The following OR51B5 variants were observed in gnomAD, a reference collection of about 807,000 sequenced individuals.
The protein encoded by OR51B5 is olfactory receptor family 51 subfamily B member 5, also known as olfactory receptor 51B5.
For synonymous variants in OR51B5, 186 were observed against 144.8 expected (o/e 1.28, Z -2.04); for missense variants, 456 against 374.6 (o/e 1.22, Z -1.79).
chr11:5,346,601 A>G (rs1848995047), upstream of OR51B5, among the ~76,000 whole-genome samples: 1 of 151,096 alleles, frequency 6.6e-6, no homozygotes, highest in Non-Finnish European at 1.5e-5. Flanking sequence ...GAGAGGGTCA[A>G]TCATATTCAC....
chr11:5,409,517 A>G (rs75527251), intron 1 of OR51B5, among the ~76,000 whole-genome samples: 1 of 148,974 alleles, frequency 6.7e-6, no homozygotes, highest in East Asian at 2.0e-4. Context: ...CTAAAAAAAA[A>G]TCTATCAAAA....
chr11:5,423,881 G>C (rs1272660605), intron 1 of OR51B5, among the ~76,000 whole-genome samples: 1 of 152,006 alleles, frequency 6.6e-6, no homozygotes. Flanking sequence ...CTTCTTTCTT[G>C]TGGGAAGAAA....
chr11:5,489,456 C>T (rs769058317), intron 1 of OR51B5: 1 of 1,614,048 alleles, frequency 6.2e-7, no homozygotes, highest in East Asian at 2.2e-5. Context: ...ACATTGGCAT[C>T]ATCCTGGTTT....
intron 1 of OR51B5, among the ~76,000 whole-genome samples, chr11:5,382,762 G>C (rs1849628859): frequency 6.6e-6 from 1 of 151,978 alleles, no homozygotes; most frequent in South Asian, 2.1e-4. Flanking sequence ...CTACACTCTG[G>C]CCCTAACAAC....
intron 1 of OR51B5, among the ~76,000 whole-genome samples, chr11:5,413,488 C>T (rs1850184232): frequency 6.6e-6 from 1 of 151,938 alleles, no homozygotes; most frequent in Non-Finnish European, 1.5e-5. Context: ...AAACTACGAG[C>T]TACAGGAGGA....
intron 1 of OR51B5, among the ~76,000 whole-genome samples, chr11:5,452,631 T>G (rs1590003440): frequency 6.6e-6 from 1 of 150,934 alleles, no homozygotes; most frequent in Non-Finnish European, 1.5e-5. Context: ...AATGAGCGTC[T>G]TCTTAGACTA....
intron 1 of OR51B5, among the ~76,000 whole-genome samples, chr11:5,374,872 G>A (rs889675254): frequency 6.6e-6 from 1 of 152,118 alleles, no homozygotes; most frequent in Non-Finnish European, 1.5e-5. Flanking sequence ...GTACCTGAAA[G>A]TGACGGGGAG....
upstream of OR51B5, among the ~76,000 whole-genome samples, chr11:5,344,327 G>A (rs1848955674): frequency 1.3e-5 from 2 of 152,156 alleles, no homozygotes; most frequent in South Asian, 4.1e-4. Flanking sequence ...TTATTTACAA[G>A]TAGTGTCTTT....
At chr11:5,453,595 C>T (rs1430513057) in intron 1 of OR51B5, 2 of 1,613,498 alleles carry the variant, frequency 1.2e-6, no homozygotes, top group South Asian at 1.1e-5. Context: ...GTGATGTATG[C>T]TGTGGCCCTT....
rs1444654549 is a variant in OR51B5 at position 5,371,004 on chromosome 11, C to T, written n.85-24094G>A. Reference sequence around the variant, plus strand: ...GATCATACTTCAGGAAAAAGACTTACACATGATTGGGGCTACCCAAAGGGA... The same window carrying T: ...GATCATACTTCAGGAAAAAGACTTATACATGATTGGGGCTACCCAAAGGGA... On this transcript the variant is annotated intron_variant and non_coding_transcript_variant, in intron 1 of 4. Coordinates refer to the OR51B5 transcript ENST00000415970. Among the ~76,000 whole-genome samples, 3 of 152,268 alleles carry T rather than the reference C, an allele frequency of 2.0e-5. No homozygotes were observed. The East Asian group carries it at 5.8e-4, about 29-fold the overall frequency.
At chr11:5,406,747 G>C (rs1850063054) in intron 1 of OR51B5, among the ~76,000 whole-genome samples, 1 of 152,118 alleles carries the variant, frequency 6.6e-6, no homozygotes, top group Non-Finnish European at 1.5e-5. Flanking sequence ...CAATGAGGAT[G>C]TAAAGATCAA....
At chr11:5,353,483 G>A (rs1309679801) in intron 1 of OR51B5, among the ~76,000 whole-genome samples, 1 of 152,186 alleles carries the variant, frequency 6.6e-6, no homozygotes, top group South Asian at 2.1e-4. Flanking sequence ...TGGAGAGTGG[G>A]GAGGAAGGGA....
At chr11:5,413,545 GA>G (rs1564805477) in intron 1 of OR51B5, among the ~76,000 whole-genome samples, 1 of 152,114 alleles carries the variant, frequency 6.6e-6, no homozygotes, top group Non-Finnish European at 1.5e-5. Context: ...AAAAAATTTA[GA>G]TGAATGTATA....
chr11:5,388,492 G>A (rs186651606), intron 1 of OR51B5, among the ~76,000 whole-genome samples: 17 of 149,874 alleles, frequency 1.1e-4, no homozygotes, highest in Non-Finnish European at 2.4e-4. Context: ...AGCTATTTCA[G>A]GAAAAAATGT....
intron 1 of OR51B5, among the ~76,000 whole-genome samples, chr11:5,491,203 C>A (rs1048017326): frequency 1.3e-5 from 2 of 152,192 alleles, no homozygotes; most frequent in African/African-American, 2.4e-5. Flanking sequence ...AGTAGGTACT[C>A]AGTAATTTGA....
In OR51B5 at chr11:5,374,167, G is replaced by A. The variant is rs184973135; in HGVS notation, n.85-27257C>T. Among the ~76,000 whole-genome samples, 810 of 152,240 alleles carry A rather than the reference G, an allele frequency of 5.3e-3. 13 individuals carry two copies. Among genetic ancestry groups the A allele is most frequent in the Admixed American group, 0.034 (522 of 15,294 alleles). ...GGAACGATCAGACAGCAGCATTCGC[G>A]GATCACGAAAATCTGCGGTTCTGCA... On this transcript the variant is annotated intron_variant and non_coding_transcript_variant, in intron 1 of 4. Transcript: ENST00000415970.
intron 1 of OR51B5, among the ~76,000 whole-genome samples, chr11:5,410,985 G>A (rs1850140873): frequency 6.6e-6 from 1 of 152,166 alleles, no homozygotes; most frequent in African/African-American, 2.4e-5. Flanking sequence ...ATATAAAGTA[G>A]AAAAGATACA....
At chr11:5,424,790 G>A (rs1341425335) in intron 1 of OR51B5, among the ~76,000 whole-genome samples, 1 of 133,460 alleles carries the variant, frequency 7.5e-6, no homozygotes, top group Non-Finnish European at 1.7e-5. Flanking sequence ...GACCATCCTG[G>A]CTAACACGGT....
At chr11:5,444,852 T>C (rs1237854317) in intron 1 of OR51B5, among the ~76,000 whole-genome samples, 1 of 152,182 alleles carries the variant, frequency 6.6e-6, no homozygotes, top group African/African-American at 2.4e-5. Flanking sequence ...TTATCCCTGA[T>C]GTAATCATCC....
Sources: gnomAD v4.1 joint callset for allele counts (sites outside exome capture counted in the v4.1 genomes callset) on GRCh38, gnomAD v4.1.1 for gene constraint, MANE v1.5 for transcripts, NCBI Gene and HGNC (gene_info 2026-07-23, HGNC 2026-07-21) for gene names.